The following ELFN2 variants were observed in gnomAD, a reference collection of about 807,000 sequenced individuals.
ELFN2 encodes protein phosphatase 1 regulatory subunit 29.
ELFN2 carries 17 observed loss-of-function variants against 45.5 expected under a neutral mutation model. The observed-to-expected ratio is 0.37, with a 90% CI of 0.26 to 0.56. The LOEUF (loss-of-function observed/expected upper bound fraction) is 0.56. Among genes scored for constraint, ELFN2 ranks in the 20% least tolerant of loss-of-function variants. The pLI, the probability that ELFN2 is intolerant of heterozygous loss-of-function variation, is 0.77. For synonymous variants in ELFN2, 550 were observed against 551.5 expected, an observed-to-expected ratio of 1.00 and a Z score of 0.04; for missense variants, 922 against 1,183.2, an observed-to-expected ratio of 0.78 and a Z score of 3.24.
chr22:37,383,326 C>T (rs747166394), intron 2 of ELFN2, among the ~76,000 whole-genome samples: 7 of 152,228 alleles, frequency 4.6e-5, no homozygotes, highest in East Asian at 3.8e-4. Flanking sequence ...TTCACACACA[C>T]GGCCAGGCAG....
chr22:37,419,633 T>A (rs547013049), intron 1 of ELFN2, among the ~76,000 whole-genome samples: 1 of 151,754 alleles, frequency 6.6e-6, no homozygotes, highest in East Asian at 1.9e-4. Flanking sequence ...CAGAAAAACG[T>A]GCCCAGGGAC....
intron 2 of ELFN2, among the ~76,000 whole-genome samples, chr22:37,404,784 G>A (rs9610741): frequency 0.51 from 77,150 of 151,420 alleles, 20,533 homozygotes; most frequent in African/African-American, 0.67. Context: ...TGCCACATCT[G>A]CCTGTGTTCA....
downstream of ELFN2, among the ~76,000 whole-genome samples, chr22:37,366,721 G>A (rs1433682158): frequency 3.3e-5 from 5 of 152,230 alleles, no homozygotes; most frequent in Non-Finnish European, 7.3e-5. Context: ...TCCTCCCTTG[G>A]TGCAGGCTCA....
chr22:37,412,288 AAAAAAAAGAAAGAAAGAAAAGG>A (rs1425341082), intron 2 of ELFN2, among the ~76,000 whole-genome samples: 2 of 150,560 alleles, frequency 1.3e-5, no homozygotes, highest in African/African-American at 2.5e-5. Flanking sequence ...AAAAAAAAAA[AAAAAAAAGAAAGAAAGAAAAGG>A]AAAAAAGAAA....
intron 2 of ELFN2, among the ~76,000 whole-genome samples, chr22:37,377,580 G>A (rs947496534): frequency 9.9e-5 from 15 of 152,262 alleles, no homozygotes; most frequent in Admixed American, 1.3e-4. Context: ...TGGGTGAGGG[G>A]TCGGGGGTTA....
At chr22:37,385,661 C>G (rs562659095) in intron 2 of ELFN2, among the ~76,000 whole-genome samples, 200 of 152,322 alleles carry the variant, frequency 1.3e-3, no homozygotes, top group African/African-American at 4.7e-3. Flanking sequence ...AGTGGGGACA[C>G]GTAGAAACCC....
At chr22:37,358,893 T>C (rs762253783) in intron 1 of ELFN2, among the ~76,000 whole-genome samples, 2 of 152,006 alleles carry the variant, frequency 1.3e-5, no homozygotes, top group Non-Finnish European at 2.9e-5. Context: ...GAGGGGAAGG[T>C]GGAGACTAGC....
At chr22:37,422,948 G>GGC (rs1555925467) in intron 1 of ELFN2, among the ~76,000 whole-genome samples, 1 of 133,312 alleles carries the variant, frequency 7.5e-6, no homozygotes, top group Admixed American at 7.0e-5. Context: ...GGCCTCGGGG[G>GGC]GGGGGGGGGA....
intron 1 of ELFN2, among the ~76,000 whole-genome samples, chr22:37,357,166 C>T (rs1930972026): frequency 6.6e-6 from 1 of 152,146 alleles, no homozygotes; most frequent in African/African-American, 2.4e-5. Flanking sequence ...TCTCGTATTC[C>T]AGCCACAAGA....
At chr22:37,356,256 CT>C (rs1930947659) in intron 1 of ELFN2, among the ~76,000 whole-genome samples, 1 of 152,172 alleles carries the variant, frequency 6.6e-6, no homozygotes, top group African/African-American at 2.4e-5. Context: ...GCTCTACCAG[CT>C]GAGGGTTACC....
At chr22:37,347,495 A>G (rs962182965) in intron 1 of ELFN2, among the ~76,000 whole-genome samples, 1 of 152,092 alleles carries the variant, frequency 6.6e-6, no homozygotes, top group Non-Finnish European at 1.5e-5. Flanking sequence ...ATTCCATGTC[A>G]CTTCTGCCCC....
chr22:37,381,573 T>C (rs4821656), intron 2 of ELFN2, among the ~76,000 whole-genome samples: 4 of 150,764 alleles, frequency 2.7e-5, no homozygotes, highest in African/African-American at 9.8e-5. Flanking sequence ...CAGTCTGAGA[T>C]AACTCACTCC....
intron 1 of ELFN2, among the ~76,000 whole-genome samples, chr22:37,418,691 C>A (rs943254863): frequency 1.3e-5 from 2 of 151,952 alleles, no homozygotes; most frequent in African/African-American, 4.8e-5. Context: ...CATCGTCAGC[C>A]GGGCCCCAGG....
In ELFN2 at chr22:37,377,116, G is replaced by C. The variant is rs370748968; in HGVS notation, c.-462-1120C>G. Among the ~76,000 whole-genome samples the C allele has an allele frequency of 5.3e-5, 8 of 152,204 alleles. 1 individual carries two copies. The East Asian group carries it at 1.3e-3, about 26-fold the overall frequency. On this transcript the variant is annotated intron_variant, in intron 2 of 2. Coordinates refer to ENST00000402918, the MANE Select transcript of ELFN2 (RefSeq NM_052906.5). ...GGAGAAGAAGCAGGGGACTCATGCC[G>C]CCCATTTGCAAGATGCAGAAGGGCA... is the stretch of plus-strand genomic sequence containing the variant.
rs61643013 is a variant in ELFN2, at chr22:37,370,769, C to T, written c.*2303G>A. The T allele has an allele frequency of 0.068, 10,430 of 152,502 alleles. 417 individuals carry two copies. Among genetic ancestry groups the T allele is most frequent in the South Asian group, 0.096 (464 of 4,810 alleles). 9.4% of individuals were successfully genotyped at this position (152,502 alleles called of 1,614,324 possible). ...GGGTTTCAAGAGCTGCTCGTCAGAT[C>T]ACAACAGACAGAATGTGGGAAAGCA... is the stretch of plus-strand genomic sequence containing the variant. On this transcript the variant is annotated 3_prime_UTR_variant, in exon 3 of 3. Coordinates refer to ENST00000402918, the MANE Select transcript of ELFN2 (RefSeq NM_052906.5).
At position 37,375,130 on chromosome 22, in the gene ELFN2, C is replaced by T. The variant is rs552360406; in HGVS notation, c.405G>A (p.Gln135=). ...GMSRLQFLFV[Q]HNLIEVVTPT... ...GCGTCACCACCTCGATGAGGTTGTG[C>T]TGGACAAAGAGGAACTGCAGGCGGC... The change falls in exon 3 of 3, where the codon CAG becomes CAA. Residue 135 remains glutamine, a synonymous_variant. Transcript: ENST00000402918. 1 of 1,613,874 alleles carries T rather than the reference C, an allele frequency of 6.2e-7. No individual in the cohort carries two copies. Among genetic ancestry groups the T allele is most frequent in the Non-Finnish European group, 8.5e-7 (1 of 1,180,016 alleles).
intron 1 of ELFN2, among the ~76,000 whole-genome samples, chr22:37,344,197 A>C (rs570276888): frequency 2.4e-4 from 7 of 28,780 alleles, no homozygotes; most frequent in Admixed American, 1.2e-3. Context: ...CTGCCCATGC[A>C]CACCTGCCCA....
At position 37,417,234 on chromosome 22, in the gene ELFN2, C is replaced by T. The variant is rs1932769105; in HGVS notation, c.-463+535G>A. Among the ~76,000 whole-genome samples the T allele has an allele frequency of 6.6e-6, 1 of 152,206 alleles. No individual in the cohort carries two copies. The highest frequency in any genetic ancestry group is 6.5e-5 in the Admixed American group (1 of 15,276). On this transcript the variant is annotated intron_variant, in intron 2 of 2. Coordinates refer to ENST00000402918, the MANE Select transcript of ELFN2 (RefSeq NM_052906.5). This position sits in a 1 kb window ranked among gnomAD's most constrained non-coding sequence, Gnocchi z 4.5. ...GGCCTCCTAGTGCCAGACGGCTCTC[C>T]CTGTGCCTCCAAAATTCAATGACAT...
chr22:37,393,616 C>T (rs1390781004), intron 2 of ELFN2, among the ~76,000 whole-genome samples: 1 of 152,222 alleles, frequency 6.6e-6, no homozygotes, highest in Non-Finnish European at 1.5e-5. Flanking sequence ...CATATGGTCC[C>T]ATCCTCAGAT....
Sources: allele counts gnomAD v4.1 joint callset (sites outside exome capture counted in the v4.1 genomes callset), GRCh38; gene constraint gnomAD v4.1.1; non-coding constraint Gnocchi (gnomAD v3.1); transcripts MANE v1.5; gene names NCBI Gene and HGNC (gene_info 2026-07-23, HGNC 2026-07-21).